Variants in SEMA3E observed in about 807,000 individuals in gnomAD.
SEMA3E encodes semaphorin 3E.
Under a neutral mutation model 93.6 loss-of-function variants are expected in SEMA3E, and 49 were observed. The observed-to-expected ratio is 0.52, with a 90% confidence interval of 0.42 to 0.66. The LOEUF is 0.66. SEMA3E is among the 30% of genes least tolerant of loss of function. The pLI, the probability that SEMA3E is intolerant of heterozygous loss-of-function variation, is 0.00. For synonymous variants in SEMA3E, 363 were observed against 330.7 expected, an observed-to-expected ratio of 1.10 and a Z score of -1.06; for missense variants, 906 against 964.8, an observed-to-expected ratio of 0.94 and a Z score of 0.81.
intron 4 of SEMA3E, among the ~76,000 whole-genome samples, chr7:83,427,165 A>G (rs28386981): frequency 0.014 from 2,091 of 147,332 alleles, 50 homozygotes; most frequent in African/African-American, 0.048. Flanking sequence ...CCCTTTTCCC[A>G]TATGACTTTT....
chr7:83,453,590 G>T (rs568278872), intron 4 of SEMA3E, among the ~76,000 whole-genome samples: 2 of 152,204 alleles, frequency 1.3e-5, no homozygotes, highest in South Asian at 2.1e-4. Flanking sequence ...AACATATTCT[G>T]ACTTCATAGG....
chr7:83,588,728 C>G (rs1792686392), intron 1 of SEMA3E, among the ~76,000 whole-genome samples: 1 of 152,112 alleles, frequency 6.6e-6, no homozygotes. Context: ...AATTGTAGTA[C>G]ATATTTACCT....
At chr7:83,586,847 T>G (rs1299752226) in intron 1 of SEMA3E, among the ~76,000 whole-genome samples, 1 of 151,944 alleles carries the variant, frequency 6.6e-6, no homozygotes, top group Non-Finnish European at 1.5e-5. Context: ...ACTCCGAAAT[T>G]GCTATATTCA....
chr7:83,385,509 T>A, intron 15 of SEMA3E, 76 bp from the exon 16 acceptor site: 1 of 1,357,012 alleles, frequency 7.4e-7, no homozygotes, highest in Middle Eastern at 1.8e-4. Flanking sequence ...ATTATTTAGA[T>A]CCCTGCAGTA....
chr7:83,584,656 T>C (rs1484447627), intron 1 of SEMA3E, among the ~76,000 whole-genome samples: 1 of 152,142 alleles, frequency 6.6e-6, no homozygotes, highest in East Asian at 1.9e-4. Context: ...CTCCTGCCAA[T>C]GTCACTCCCC....
intron 16 of SEMA3E, among the ~76,000 whole-genome samples, chr7:83,378,006 G>T (rs1787686265): frequency 6.6e-6 from 1 of 151,846 alleles, no homozygotes; most frequent in African/African-American, 2.4e-5. Context: ...TGCAGAAATT[G>T]AGTCTTCATA....
intron 1 of SEMA3E, among the ~76,000 whole-genome samples, chr7:83,522,283 G>A (rs1791065460): frequency 6.6e-6 from 1 of 151,578 alleles, no homozygotes; most frequent in Non-Finnish European, 1.5e-5. Context: ...TTTTTTATTT[G>A]TGGTTATCAT....
At chr7:83,553,258 A>G (rs215256) in intron 1 of SEMA3E, among the ~76,000 whole-genome samples, 80,725 of 151,872 alleles carry the variant, frequency 0.53, 22,143 homozygotes, top group Middle Eastern at 0.67. Flanking sequence ...GGTTCCCCCA[A>G]TACTGCATAG....
At chr7:83,436,840 C>T (rs1184978098) in intron 4 of SEMA3E, among the ~76,000 whole-genome samples, 2 of 151,976 alleles carry the variant, frequency 1.3e-5, no homozygotes, top group South Asian at 2.1e-4. Flanking sequence ...TGTATTAGTC[C>T]GTTTTTATGC....
intron 4 of SEMA3E, among the ~76,000 whole-genome samples, chr7:83,456,940 T>G (rs932933828): frequency 4.6e-5 from 7 of 152,186 alleles, no homozygotes; most frequent in African/African-American, 1.7e-4. Flanking sequence ...ATTAAATTAA[T>G]GATATTATTA....
At chr7:83,465,953 C>T (rs79831234) in intron 4 of SEMA3E, among the ~76,000 whole-genome samples, 1,923 of 152,156 alleles carry the variant, frequency 0.013, 46 homozygotes, top group African/African-American at 0.044. Context: ...AAAGTCTTAG[C>T]GGAAGAGATG....
At chr7:83,454,485 T>C (rs188963064) in intron 4 of SEMA3E, among the ~76,000 whole-genome samples, 19 of 151,992 alleles carry the variant, frequency 1.3e-4, no homozygotes, top group Non-Finnish European at 2.2e-4. Flanking sequence ...ATTAAATGCA[T>C]GGCTATAATG....
chr7:83,547,100 G>C (rs1017831065), intron 1 of SEMA3E, among the ~76,000 whole-genome samples: 1 of 152,014 alleles, frequency 6.6e-6, no homozygotes, highest in African/African-American at 2.4e-5. Flanking sequence ...TGAGAGTTTT[G>C]AAAAACCACC....
At chr7:83,538,417 G>A (rs9632705) in intron 1 of SEMA3E, among the ~76,000 whole-genome samples, 2,750 of 152,034 alleles carry the variant, frequency 0.018, 81 homozygotes, top group African/African-American at 0.063. Flanking sequence ...GTTTTGATTT[G>A]CATTTTTCTG....
intron 2 of SEMA3E, among the ~76,000 whole-genome samples, chr7:83,477,951 A>C (rs1025530882): frequency 6.6e-6 from 1 of 150,930 alleles, no homozygotes; most frequent in African/African-American, 2.4e-5. Context: ...ACGGAGTTTC[A>C]CTCTTATTGC....
intron 1 of SEMA3E, among the ~76,000 whole-genome samples, chr7:83,611,321 AATATATAAATTTATATATTATATAT>A (rs1793254471): frequency 6.9e-6 from 1 of 143,964 alleles, no homozygotes; most frequent in Non-Finnish European, 1.5e-5. Flanking sequence ...ATTTATGTAT[AATATATAAATTTATATATTATATAT>A]AATATATGTG....
At chr7:83,437,589 C>T (rs923319312) in intron 4 of SEMA3E, among the ~76,000 whole-genome samples, 1 of 151,838 alleles carries the variant, frequency 6.6e-6, no homozygotes, top group Non-Finnish European at 1.5e-5. Flanking sequence ...AAGAACAGTC[C>T]AGAGAGAAGG....
Position 83,396,691 on chromosome 7 carries a change from G to C in SEMA3E, c.1405C>G (p.Gln469Glu), listed in dbSNP as rs1307676175. The C allele has an allele frequency of 1.2e-6, 2 of 1,607,938 alleles. No individual in the cohort carries two copies. Among genetic ancestry groups the C allele is most frequent in the Non-Finnish European group, 8.5e-7 (1 of 1,175,826 alleles). Residue 469 changes from glutamine to glutamate, a missense_variant, in exon 12 of 17, where the codon CAA (glutamine) becomes GAA (glutamate). Transcript: ENST00000643230. ...ACTTCTTCCATTGATTCCATTTCTT[G>C]GTTGTAAATTGTGATTACTTTCAGC... Reference protein sequence around the residue: ...IVLKVITIYNQEMESMEEVIL... With the variant: ...IVLKVITIYNEEMESMEEVIL...
chr7:83,427,771 C>A (rs765108605), intron 4 of SEMA3E, among the ~76,000 whole-genome samples: 1 of 152,140 alleles, frequency 6.6e-6, no homozygotes, highest in Non-Finnish European at 1.5e-5. Context: ...AAAACTTGAG[C>A]CATGATGACA....
Sources: allele counts gnomAD v4.1 joint callset (sites outside exome capture counted in the v4.1 genomes callset), GRCh38; gene constraint gnomAD v4.1.1; transcripts MANE v1.5; gene names NCBI Gene and HGNC (gene_info 2026-07-23, HGNC 2026-07-21).